GRIK2: variants seen among roughly 807,000 people sequenced by gnomAD.
GRIK2 encodes glutamate ionotropic receptor kainate type subunit 2, also known as glutamate receptor ionotropic, kainate 2.
In GRIK2, 32 loss-of-function variants were observed where a neutral mutation model predicts 100.3. That is an observed-to-expected ratio of 0.32 (90% CI 0.24 to 0.43). GRIK2 has a LOEUF of 0.43. Ranked by LOEUF, GRIK2 falls within the 20% of genes least tolerant of loss-of-function variation. The pLI is 1.00. For synonymous variants in GRIK2, 417 were observed against 389.4 expected (o/e 1.07, Z -0.83); for missense variants, 843 against 1,114.9 (o/e 0.76, Z 3.47).
chr6:101,569,942 T>G (rs745697915), intron 2 of GRIK2, among the ~76,000 whole-genome samples: 1 of 152,158 alleles, frequency 6.6e-6, no homozygotes, highest in Admixed American at 6.6e-5. Flanking sequence ...CAAACATTTC[T>G]TATTGAATCA....
chr6:101,915,246 G>T (rs2257174), intron 12 of GRIK2, among the ~76,000 whole-genome samples: 141,909 of 151,438 alleles, frequency 0.94, 66,532 homozygotes, highest in Middle Eastern at 0.97. Flanking sequence ...AACAGAAGAT[G>T]TATAATAGCA....
rs149014032 is a variant in GRIK2, at chr6:101,829,754, G to T, written c.1317+11271G>T. ...ACAACAACAGCAACAACAAAATCAC[G>T]CTGAAAGATGACACAAATAAATGGA... On this transcript the variant is annotated intron_variant, in intron 10 of 16. Coordinates refer to ENST00000369134, the MANE Select transcript of GRIK2 (RefSeq NM_021956.5). 2.8e-3 allele frequency among the ~76,000 whole-genome samples: 431 copies of T among 151,776 alleles called. 1 individual carries two copies. Among genetic ancestry groups the T allele is most frequent in the Non-Finnish European group, 5.3e-3 (356 of 67,718 alleles).
chr6:101,861,037 C>A (rs1199883285), intron 11 of GRIK2: 1 of 239,322 alleles, frequency 4.2e-6, no homozygotes, highest in Admixed American at 6.5e-5. Flanking sequence ...CTTGGTAAGG[C>A]AAAGGTGAGT....
chr6:102,068,464 C>T lies in GRIK2; in HGVS notation c.2680C>T (p.His894Tyr), dbSNP rs1772126284. The T allele has an allele frequency of 6.2e-7, 1 of 1,611,810 alleles. No homozygotes were observed. The highest frequency in any genetic ancestry group is 1.7e-5 in the Admixed American group (1 of 59,790). ...IVKTEEVINMHTFNDRRLPGK... is the reference protein window; with the variant it reads ...IVKTEEVINMYTFNDRRLPGK... Reference sequence around the variant, plus strand: ...GAAAACAGAAGAAGTTATCAACATGCACACATTTAACGACAGAAGGTTGCC... The same window carrying T: ...GAAAACAGAAGAAGTTATCAACATGTACACATTTAACGACAGAAGGTTGCC... Residue 894 changes from histidine (H) to tyrosine (Y), a missense_variant, in exon 17 of 17, where the codon CAC becomes TAC. Physicochemically the swap from His to Tyr is moderately conservative, Grantham distance 83 (BLOSUM62 2). Around this residue, in one of 3 missense-constraint regions of GRIK2, gnomAD observed 87 missense variants for 83.2 expected, o/e 1.05. Transcript: ENST00000369134.
At chr6:101,847,157 G>T (rs1254998219) in intron 10 of GRIK2, among the ~76,000 whole-genome samples, 3 of 151,934 alleles carry the variant, frequency 2.0e-5, no homozygotes, top group Admixed American at 6.6e-5. Context: ...TTGAGGGACT[G>T]CTTTCACTGT....
chr6:101,993,128 C>G (rs7771009), intron 14 of GRIK2: 55,699 of 150,880 alleles, frequency 0.37, 10,930 homozygotes, highest in South Asian at 0.47. Flanking sequence ...ACATTCTTTT[C>G]CTCTATCAAA....
chr6:101,934,931 A>G (rs1790522955), intron 14 of GRIK2, among the ~76,000 whole-genome samples: 1 of 152,030 alleles, frequency 6.6e-6, no homozygotes, highest in Non-Finnish European at 1.5e-5. Flanking sequence ...ATAATATTTA[A>G]AGATGAGAAA....
At chr6:101,930,959 A>G (rs1278415885) in intron 14 of GRIK2, among the ~76,000 whole-genome samples, 1 of 152,182 alleles carries the variant, frequency 6.6e-6, no homozygotes, top group African/African-American at 2.4e-5. Flanking sequence ...ACAAGTCACA[A>G]TAAAAACCAC....
At chr6:101,956,772 G>GTA (rs927924286) in intron 14 of GRIK2, among the ~76,000 whole-genome samples, 4 of 136,016 alleles carry the variant, frequency 2.9e-5, no homozygotes, top group Non-Finnish European at 3.1e-5. Context: ...ATATATGTGT[G>GTA]TATATATATA....
At chr6:101,638,902 G>C (rs1289465039) in intron 4 of GRIK2, among the ~76,000 whole-genome samples, 2 of 151,864 alleles carry the variant, frequency 1.3e-5, no homozygotes, top group African/African-American at 4.8e-5. Flanking sequence ...TGAGATGATT[G>C]CTTGAGCCCA....
chr6:101,577,819 A>AG (rs747119002), intron 2 of GRIK2, among the ~76,000 whole-genome samples: 5 of 152,312 alleles, frequency 3.3e-5, no homozygotes, highest in Non-Finnish European at 5.9e-5. Flanking sequence ...CCTTTATTCA[A>AG]GCAGCCTTGA....
At chr6:101,804,614 G>A (rs1447669176) in intron 9 of GRIK2, among the ~76,000 whole-genome samples, 1 of 151,812 alleles carries the variant, frequency 6.6e-6, no homozygotes, top group African/African-American at 2.4e-5. Context: ...GAGATACCAG[G>A]GATAAAAGCA....
chr6:101,401,547 A>C (rs911561864), intron 2 of GRIK2, among the ~76,000 whole-genome samples: 4 of 152,204 alleles, frequency 2.6e-5, no homozygotes, highest in Non-Finnish European at 5.9e-5. Flanking sequence ...GCTGTTTTCT[A>C]CGTTAACTTA....
chr6:101,620,884 T>A (rs6904064), intron 2 of GRIK2, among the ~76,000 whole-genome samples: 28,540 of 151,966 alleles, frequency 0.19, 3,008 homozygotes, highest in East Asian at 0.29. Context: ...GCAATGATAT[T>A]AGAGAGAAGG....
intron 2 of GRIK2, among the ~76,000 whole-genome samples, chr6:101,498,532 G>A (rs1038566855): frequency 3.3e-5 from 5 of 150,038 alleles, no homozygotes; most frequent in Non-Finnish European, 5.9e-5. Context: ...AGCACCTGTT[G>A]TTTCCTGACT....
At chr6:101,795,625 C>A (rs532491391) in intron 7 of GRIK2, among the ~76,000 whole-genome samples, 3 of 152,318 alleles carry the variant, frequency 2.0e-5, no homozygotes, top group East Asian at 3.9e-4. Context: ...ATGGTGGGAC[C>A]ACCCTTGGAC....
intron 7 of GRIK2, among the ~76,000 whole-genome samples, chr6:101,760,820 T>C (rs1358360658): frequency 3.4e-5 from 5 of 146,864 alleles, no homozygotes; most frequent in Non-Finnish European, 7.4e-5. Context: ...TATGTTGAGA[T>C]TTTTGCTTAT....
chr6:101,576,821 T>C (rs922640835), intron 2 of GRIK2, among the ~76,000 whole-genome samples: 2 of 152,034 alleles, frequency 1.3e-5, no homozygotes, highest in African/African-American at 2.4e-5. Context: ...ATTTTCTAAA[T>C]GTACACTTTT....
chr6:101,581,143 C>T (rs1269109963), intron 2 of GRIK2, among the ~76,000 whole-genome samples: 2 of 150,986 alleles, frequency 1.3e-5, no homozygotes, highest in African/African-American at 4.9e-5. Flanking sequence ...TCCAGAGGGA[C>T]AGAATTAATA....
Sources: gnomAD v4.1 joint callset for allele counts (sites outside exome capture counted in the v4.1 genomes callset) on GRCh38, gnomAD v4.1.1 for gene constraint, gnomAD v4.1.1 regional missense constraint, MANE v1.5 for transcripts, NCBI Gene and HGNC (gene_info 2026-07-23, HGNC 2026-07-21) for gene names.